OAS1: variants seen among roughly 807,000 people sequenced by gnomAD.
OAS1 encodes 2'-5'-oligoadenylate synthase 1.
A neutral mutation model predicts 38.5 loss-of-function variants in OAS1; 24 were observed. That is an observed-to-expected ratio of 0.62 (90% CI 0.45 to 0.88). OAS1 has a LOEUF of 0.88. Ranked by LOEUF, OAS1 falls within the 40% of genes least tolerant of loss-of-function variation. The pLI, the probability that OAS1 is intolerant of heterozygous loss-of-function variation, is 0.00. For missense variants in OAS1, 482 were observed against 493.9 expected (o/e 0.98, Z 0.23); for synonymous variants, 169 against 193.9 (o/e 0.87, Z 1.07).
Position 112,919,681 on chromosome 12 carries a change from C to G in OAS1, c.*128C>G, listed in dbSNP as rs775407400. 2.6e-6 allele frequency: 4 copies of G among 1,561,188 alleles called. No individual in the cohort carries two copies. Among genetic ancestry groups the G allele is most frequent in the Non-Finnish European group, 3.5e-6 (4 of 1,151,002 alleles). ...GCTGGTGTATAATCCAGGACAGAACCCAGGTCTCCTGACTCCTGGCCTTCT... is the reference window on the plus strand; with the variant it reads ...GCTGGTGTATAATCCAGGACAGAACGCAGGTCTCCTGACTCCTGGCCTTCT... On this transcript the variant is annotated 3_prime_UTR_variant, in exon 6 of 6. Transcript: ENST00000202917.
At chr12:112,916,803 C>A in intron 4 of OAS1, 65 bp downstream of exon 4, 3 of 1,248,190 alleles carry the variant, frequency 2.4e-6, no homozygotes, top group Non-Finnish European at 3.5e-6. Context: ...GGTACAGTGC[C>A]TTGGAAATGG....
chr12:112,929,161 T>A (rs577087951), intron 6 of OAS1, among the ~76,000 whole-genome samples: 1 of 152,222 alleles, frequency 6.6e-6, no homozygotes, highest in South Asian at 2.1e-4. Flanking sequence ...CCAGAGGAAA[T>A]GCCTCCCAAA....
intron 4 of OAS1, 84 bp downstream of exon 4, chr12:112,916,822 G>A (rs771038863): frequency 2.9e-6 from 3 of 1,021,164 alleles, no homozygotes; most frequent in Admixed American, 3.5e-5. Flanking sequence ...GGAGGAGGTG[G>A]GAGGGCTCCC....
At chr12:112,921,952 G>A (rs1332352439), downstream of OAS1, among the ~76,000 whole-genome samples, 1 of 152,134 alleles carries the variant, frequency 6.6e-6, no homozygotes, top group Non-Finnish European at 1.5e-5. Context: ...CAGGGGACAG[G>A]GAAATGATCA....
downstream of OAS1, among the ~76,000 whole-genome samples, chr12:112,924,702 A>G (rs1593166296): frequency 6.6e-6 from 1 of 152,260 alleles, no homozygotes; most frequent in African/African-American, 2.4e-5. Context: ...AAACATTTTC[A>G]GTGGTGATAT....
intron 6 of OAS1, among the ~76,000 whole-genome samples, chr12:112,927,106 T>C (rs1274024605): frequency 2.0e-5 from 3 of 152,342 alleles, no homozygotes. Context: ...AGATTTCATA[T>C]TGTTCAAACA....
At chr12:112,919,136 T>A (rs1245253186) in intron 5 of OAS1, 10 of 456,110 alleles carry the variant, frequency 2.2e-5, no homozygotes, top group African/African-American at 1.8e-4. Flanking sequence ...CCTACGTGGA[T>A]CACTCACTGT....
intron 6 of OAS1, among the ~76,000 whole-genome samples, chr12:112,931,650 C>T (rs957915622): frequency 7.2e-5 from 11 of 152,220 alleles, no homozygotes; most frequent in African/African-American, 1.9e-4. Context: ...GACTCTAAAA[C>T]ATCTAAAACT....
downstream of OAS1, among the ~76,000 whole-genome samples, chr12:112,921,034 A>G (rs1385742472): frequency 6.6e-6 from 1 of 152,036 alleles, no homozygotes; most frequent in Admixed American, 6.6e-5. Context: ...ATGTTTTCCT[A>G]CTCTGGCGCC....
chr12:112,917,653 T>G lies in OAS1; in HGVS notation c.991T>G (p.Cys331Gly). The change falls in exon 5 of 6, where the codon TGC becomes GGC. Residue 331 changes from cysteine to glycine, a missense_variant. By Grantham distance (159) the Cys-to-Gly change is radical (BLOSUM62 -3). Coordinates refer to ENST00000202917, the MANE Select transcript of OAS1 (RefSeq NM_016816.4). ...QEAEAWLNYP[C>G]FKNWDGSPVS... ...GGCTGAGGCCTGGCTGAATTACCCA[T>G]GCTTTAAGAATTGGGATGGGTCCCC... 3.7e-6 allele frequency: 6 copies of G among 1,614,186 alleles called. No individual in the cohort carries two copies. Among genetic ancestry groups the G allele is most frequent in the Non-Finnish European group, 5.1e-6 (6 of 1,180,040 alleles).
intron 6 of OAS1, among the ~76,000 whole-genome samples, chr12:112,928,915 G>T (rs1254156497): frequency 6.6e-6 from 1 of 152,198 alleles, no homozygotes; most frequent in African/African-American, 2.4e-5. Context: ...AGGATTGGGG[G>T]AGAGGGTGTG....
At chr12:112,922,439 T>C (rs568334406), downstream of OAS1, among the ~76,000 whole-genome samples, 141 of 152,290 alleles carry the variant, frequency 9.3e-4, 1 homozygote, top group African/African-American at 3.2e-3. Context: ...CACATTGTGT[T>C]AACCAGGTCC....
At position 112,916,489 on chromosome 12, in the gene OAS1, A is replaced by T. The variant is rs376615195; in HGVS notation, c.655-20A>T. On this transcript the variant is annotated intron_variant, in intron 3 of 5. Transcript: ENST00000202917. ...AGTTGAGCAAACCAATTTTTTTCTG[A>T]TTGTTTTTCCTCTTCTCAGTGTAAG... The T allele has an allele frequency of 1.9e-6, 3 of 1,602,792 alleles. No individual in the cohort carries two copies. Among genetic ancestry groups the T allele is most frequent in the South Asian group, 2.2e-5 (2 of 90,326 alleles).
chr12:112,923,245 A>G (rs562426832), downstream of OAS1, among the ~76,000 whole-genome samples: 23 of 152,318 alleles, frequency 1.5e-4, no homozygotes, highest in Middle Eastern at 3.4e-3. Context: ...GGATACTCAG[A>G]AGTGGGATTG....
intron 5 of OAS1, 62 bp from the exon 6 acceptor site, chr12:112,919,327 C>T (rs2043507908): frequency 3.4e-6 from 5 of 1,453,760 alleles, no homozygotes; most frequent in Non-Finnish European, 4.7e-6. Flanking sequence ...CGTAAATGCT[C>T]ACTGAATCCA....
At chr12:112,909,607 G>A (rs1232297417) in intron 2 of OAS1, among the ~76,000 whole-genome samples, 1 of 152,184 alleles carries the variant, frequency 6.6e-6, no homozygotes, top group African/African-American at 2.4e-5. Context: ...CGAGGTGTCA[G>A]TGAGCCACGA....
At chr12:112,911,424 G>C (rs1593156167) in intron 3 of OAS1, among the ~76,000 whole-genome samples, 189 bp downstream of exon 3, 1 of 152,166 alleles carries the variant, frequency 6.6e-6, no homozygotes, top group Non-Finnish European at 1.5e-5. Flanking sequence ...GAGAATGAAA[G>C]GGAAGGAAGA....
At chr12:112,913,012 A>T (rs1389320467) in intron 3 of OAS1, among the ~76,000 whole-genome samples, 1 of 152,190 alleles carries the variant, frequency 6.6e-6, no homozygotes, top group South Asian at 2.1e-4. Context: ...CTAACATTCC[A>T]TCTGGGGTAA....
intron 5 of OAS1, chr12:112,918,454 G>C (rs759186887): frequency 3.0e-6 from 1 of 335,204 alleles, no homozygotes; most frequent in Non-Finnish European, 6.0e-6. Context: ...ATAAACATAC[G>C]AGTGCCGGTG....
Sources: gnomAD v4.1 joint callset for allele counts (sites outside exome capture counted in the v4.1 genomes callset) on GRCh38, gnomAD v4.1.1 for gene constraint, MANE v1.5 for transcripts, NCBI Gene and HGNC (gene_info 2026-07-23, HGNC 2026-07-21) for gene names.